ENPP2: variants seen among roughly 807,000 people sequenced by gnomAD.
The protein encoded by ENPP2 is autotaxin.
Under a neutral mutation model 120.2 loss-of-function variants are expected in ENPP2, and 51 were observed. The observed-to-expected ratio is 0.42, with a 90% CI of 0.34 to 0.54. ENPP2 has a LOEUF of 0.54. Ranked by LOEUF, ENPP2 falls within the 20% of genes least tolerant of loss-of-function variation. The pLI, the probability that ENPP2 is intolerant of heterozygous loss-of-function variation, is 0.04. For synonymous variants in ENPP2, 365 were observed against 366.4 expected, an observed-to-expected ratio of 1.00 and a Z score of 0.04; for missense variants, 920 against 1,066.5, an observed-to-expected ratio of 0.86 and a Z score of 1.91.
intron 1 of ENPP2, among the ~76,000 whole-genome samples, chr8:119,663,195 G>A (rs375550630): frequency 7.9e-5 from 12 of 151,626 alleles, no homozygotes; most frequent in South Asian, 4.2e-4. Flanking sequence ...TGGTTCCCAC[G>A]AGATGAGCAG....
At chr8:119,612,628 G>A (rs114458597) in intron 8 of ENPP2, among the ~76,000 whole-genome samples, 4,356 of 152,272 alleles carry the variant, frequency 0.029, 190 homozygotes, top group African/African-American at 0.098. Flanking sequence ...TTGGGATCAC[G>A]CCTGTAATAC....
intron 14 of ENPP2, among the ~76,000 whole-genome samples, chr8:119,586,628 G>A (rs1813131023): frequency 6.6e-6 from 1 of 152,012 alleles, no homozygotes; most frequent in Non-Finnish European, 1.5e-5. Flanking sequence ...TCAAGCAGTT[G>A]GGGGTGGGGT....
intron 20 of ENPP2, 96 bp from the exon 21 acceptor site, chr8:119,569,466 T>C (rs1254181115): frequency 9.7e-6 from 11 of 1,139,140 alleles, no homozygotes; most frequent in East Asian, 5.3e-5. Flanking sequence ...TGTATTCTGA[T>C]TGATAGTCTG....
At chr8:119,654,281 CA>C (rs1462732666) in intron 1 of ENPP2, among the ~76,000 whole-genome samples, 1 of 136,814 alleles carries the variant, frequency 7.3e-6, no homozygotes, top group Non-Finnish European at 1.5e-5. Flanking sequence ...ATACTAATAC[CA>C]ATATTATATA....
chr8:119,610,545 G>A (rs888774503), intron 8 of ENPP2, among the ~76,000 whole-genome samples: 4 of 151,874 alleles, frequency 2.6e-5, no homozygotes, highest in Non-Finnish European at 5.9e-5. Context: ...TTAATTCAGA[G>A]ATATAAGTGT....
intron 11 of ENPP2, 44 bp downstream of exon 11, chr8:119,600,634 C>T (rs1440596152): frequency 8.2e-7 from 1 of 1,218,122 alleles, no homozygotes; most frequent in East Asian, 2.3e-5. Flanking sequence ...GATCAGGTAG[C>T]CCAGGGCCAC....
chr8:119,647,286 C>T (rs554184057), intron 1 of ENPP2, among the ~76,000 whole-genome samples: 9 of 152,274 alleles, frequency 5.9e-5, no homozygotes, highest in South Asian at 2.1e-4. Context: ...TGAGCCACTG[C>T]GCCCAGCCCG....
At chr8:119,558,814 A>G (rs1490085372) in intron 24 of ENPP2, among the ~76,000 whole-genome samples, 2 of 152,104 alleles carry the variant, frequency 1.3e-5, no homozygotes, top group Non-Finnish European at 2.9e-5. Flanking sequence ...TGCATGTCCT[A>G]GGTCTGGGAA....
At chr8:119,646,684 T>C (rs948694241) in intron 1 of ENPP2, among the ~76,000 whole-genome samples, 5 of 152,204 alleles carry the variant, frequency 3.3e-5, no homozygotes, top group Non-Finnish European at 7.3e-5. Flanking sequence ...TTGAGAGTAT[T>C]ACATGAAATA....
intron 20 of ENPP2, 43 bp downstream of exon 20, chr8:119,570,662 A>C: frequency 9.2e-7 from 1 of 1,086,964 alleles, no homozygotes; most frequent in Non-Finnish European, 1.3e-6. Flanking sequence ...AACATGAGGA[A>C]TGTAATAAAA....
chr8:119,623,338 G>C (rs1288051912), intron 3 of ENPP2, among the ~76,000 whole-genome samples: 1 of 151,988 alleles, frequency 6.6e-6, no homozygotes, highest in Non-Finnish European at 1.5e-5. Flanking sequence ...GGTGGTGCAT[G>C]CCTGTAATCC....
At chr8:119,606,971 T>C (rs1814762940) in intron 9 of ENPP2, among the ~76,000 whole-genome samples, 1 of 152,186 alleles carries the variant, frequency 6.6e-6, no homozygotes, top group South Asian at 2.1e-4. Context: ...GTTGATACTT[T>C]TATTAGGTAA....
At chr8:119,565,766 G>A (rs902616844) in intron 22 of ENPP2, among the ~76,000 whole-genome samples, 14 of 152,068 alleles carry the variant, frequency 9.2e-5, no homozygotes, top group African/African-American at 3.1e-4. Context: ...TATTCCCTGG[G>A]TTCCCTGTGA....
chr8:119,663,114 T>C (rs1234975560), intron 1 of ENPP2, among the ~76,000 whole-genome samples: 1 of 124,602 alleles, frequency 8.0e-6, no homozygotes, highest in African/African-American at 3.0e-5. Flanking sequence ...GAGAGACTCT[T>C]GTCTCAAAAA....
At chr8:119,654,430 G>A (rs1455953079) in intron 1 of ENPP2, among the ~76,000 whole-genome samples, 6 of 143,626 alleles carry the variant, frequency 4.2e-5, no homozygotes, top group African/African-American at 1.0e-4. Flanking sequence ...AATATTTATA[G>A]TATAAATTTA....
At chr8:119,571,295 T>G (rs1563678132) in intron 19 of ENPP2, 1 of 152,400 alleles carries the variant, frequency 6.6e-6, no homozygotes, top group African/African-American at 2.4e-5. Context: ...AACTCAAATA[T>G]GCATTCCTTC....
intron 19 of ENPP2, among the ~76,000 whole-genome samples, chr8:119,575,460 C>T (rs546186238): frequency 6.6e-6 from 1 of 152,176 alleles, no homozygotes; most frequent in African/African-American, 2.4e-5. Context: ...CTTTGATATA[C>T]AAATTTTTTG....
upstream of ENPP2, among the ~76,000 whole-genome samples, chr8:119,639,530 T>C (rs1443814470): frequency 2.0e-5 from 3 of 152,006 alleles, no homozygotes; most frequent in Admixed American, 1.3e-4. Context: ...AAAGTCCTTC[T>C]GCCCTGGGAG....
At chr8:119,638,970 G>C (rs1346532225), upstream of ENPP2, 1 of 656,444 alleles carries the variant, frequency 1.5e-6, no homozygotes, top group Non-Finnish European at 2.6e-6. Context: ...AGCCTAAGAG[G>C]CTTAAGCTAT....
Sources: gnomAD v4.1 joint callset for allele counts (sites outside exome capture counted in the v4.1 genomes callset) on GRCh38, gnomAD v4.1.1 for gene constraint, MANE v1.5 for transcripts, NCBI Gene and HGNC (gene_info 2026-07-23, HGNC 2026-07-21) for gene names.